PCDHGB1: variants seen among roughly 807,000 people sequenced by gnomAD.
PCDHGB1 encodes the protein protocadherin gamma-B1.
Under a neutral mutation model 56.6 loss-of-function variants are expected in PCDHGB1, and 34 were observed. The ratio of observed to expected loss-of-function variants is 0.60; its 90% confidence interval spans 0.46 to 0.80. The LOEUF (loss-of-function observed/expected upper bound fraction) is 0.80. Ranked by LOEUF, PCDHGB1 falls within the 30% of genes least tolerant of loss-of-function variation. The pLI is 0.00. For missense variants in PCDHGB1, 1,278 were observed against 1,204.6 expected, an observed-to-expected ratio of 1.06 and a Z score of -0.90; for synonymous variants, 561 against 505.9, an observed-to-expected ratio of 1.11 and a Z score of -1.46.
chr5:141,450,776 C>G (rs757791026), intron 1 of PCDHGB1, among the ~76,000 whole-genome samples: 1 of 151,440 alleles, frequency 6.6e-6, no homozygotes, highest in Non-Finnish European at 1.5e-5. Flanking sequence ...CATGAGCCAC[C>G]GTGCCCGGAC....
chr5:141,417,805 G>T, intron 1 of PCDHGB1: 1 of 1,499,292 alleles, frequency 6.7e-7, no homozygotes. Flanking sequence ...TAGCGCGGTA[G>T]AGTGCACTTT....
intron 1 of PCDHGB1, chr5:141,441,578 C>T (rs889509502): frequency 2.9e-5 from 6 of 207,738 alleles, no homozygotes; most frequent in Non-Finnish European, 5.9e-5. Flanking sequence ...CCAACCTAGA[C>T]TTGGGACCCA....
chr5:141,364,415 G>A (rs368621667), intron 1 of PCDHGB1: 1 of 1,613,082 alleles, frequency 6.2e-7, no homozygotes, highest in East Asian at 2.2e-5. Context: ...GCCAGGATCC[G>A]GGCAGATCCG....
At chr5:141,508,830 C>G (rs1320903059) in intron 3 of PCDHGB1, among the ~76,000 whole-genome samples, 2 of 152,150 alleles carry the variant, frequency 1.3e-5, no homozygotes, top group Non-Finnish European at 2.9e-5. Flanking sequence ...CTGGGCCCCC[C>G]TCCCCTACCC....
intron 1 of PCDHGB1, among the ~76,000 whole-genome samples, chr5:141,426,030 G>A (rs966664613): frequency 1.3e-5 from 2 of 152,168 alleles, no homozygotes; most frequent in Admixed American, 6.5e-5. Context: ...AATAGACTCA[G>A]AGCCCTGCTG....
At position 141,486,720 on chromosome 5, in the gene PCDHGB1, C is replaced by G; in HGVS notation, c.2410-8087C>G. ...ATCTCTCTGAACCCCCAGACAGGAG[C>G]TGTTCATGCTACTCGATCCTTTGAC... On this transcript the variant is annotated intron_variant, in intron 1 of 3. Coordinates refer to ENST00000523390, the MANE Select transcript of PCDHGB1 (RefSeq NM_018922.3). This position sits in a 1 kb window ranked among gnomAD's most constrained non-coding sequence, Gnocchi z 5.0. The G allele has an allele frequency of 6.2e-7, 1 of 1,614,216 alleles. No homozygotes were observed. Among genetic ancestry groups the G allele is most frequent in the Non-Finnish European group, 8.5e-7 (1 of 1,180,038 alleles).
At chr5:141,375,596 G>C (rs574950493) in intron 1 of PCDHGB1, 86 of 1,614,108 alleles carry the variant, frequency 5.3e-5, no homozygotes, top group Non-Finnish European at 6.9e-5. Context: ...GTCCTCCTAC[G>C]TGTCCATCAA....
intron 1 of PCDHGB1, chr5:141,395,094 G>A (rs192995605): frequency 6.2e-7 from 1 of 1,614,160 alleles, no homozygotes; most frequent in African/African-American, 1.3e-5. Flanking sequence ...CTCCCTCACC[G>A]CCGACTCGCG....
intron 1 of PCDHGB1, among the ~76,000 whole-genome samples, chr5:141,437,310 C>T (rs1226274834): frequency 6.6e-6 from 1 of 152,166 alleles, no homozygotes; most frequent in Non-Finnish European, 1.5e-5. Flanking sequence ...TTAAAGCGTT[C>T]AGCTATAATT....
At position 141,491,039 on chromosome 5, in the gene PCDHGB1, G is replaced by T; in HGVS notation, c.2410-3768G>T. 1 of 1,614,180 alleles carries T rather than the reference G, an allele frequency of 6.2e-7. No individual in the cohort carries two copies. The highest frequency in any genetic ancestry group is 1.1e-5 in the South Asian group (1 of 91,090). ...GTGACAGCCGTGGATGCTGATGCAGGCCACAATGCGTGGCTCTCCTACTCA... is the reference window on the plus strand; with the variant it reads ...GTGACAGCCGTGGATGCTGATGCAGTCCACAATGCGTGGCTCTCCTACTCA... On this transcript the variant is annotated intron_variant, in intron 1 of 3. Transcript: ENST00000523390. The surrounding 1 kb of genome is among the most constrained non-coding windows in gnomAD (Gnocchi z 6.9).
At chr5:141,478,269 A>G in intron 1 of PCDHGB1, 1 of 1,614,146 alleles carries the variant, frequency 6.2e-7, no homozygotes, top group Non-Finnish European at 8.5e-7. Flanking sequence ...TTCAAAGTTT[A>G]CAAGTGGAAG....
At chr5:141,441,730 A>ATGGT in intron 1 of PCDHGB1, 1 of 362,748 alleles carries the variant, frequency 2.8e-6, no homozygotes, top group South Asian at 2.2e-5. Flanking sequence ...CGCGACCAGG[A>ATGGT]CTAGCTCGCG....
At chr5:141,504,476 A>G (rs998883721) in intron 2 of PCDHGB1, among the ~76,000 whole-genome samples, 4 of 152,016 alleles carry the variant, frequency 2.6e-5, no homozygotes, top group African/African-American at 9.7e-5. Context: ...GGATGGGAGT[A>G]CAGTGGAGGC....
At chr5:141,419,457 A>AGGCCCGCGACCAGGGCT in intron 1 of PCDHGB1, 2 of 1,612,728 alleles carry the variant, frequency 1.2e-6, no homozygotes, top group Non-Finnish European at 1.7e-6. Context: ...CTCACGCTGC[A>AGGCCCGCGACCAGGGCT]GGCCCGCGAC....
chr5:141,509,819 C>T (rs1008625658), intron 3 of PCDHGB1, among the ~76,000 whole-genome samples: 3 of 152,154 alleles, frequency 2.0e-5, no homozygotes, highest in African/African-American at 7.2e-5. Context: ...AGCTCTTCTC[C>T]ATCTTCTCTC....
chr5:141,361,081 A>AC (rs1470194517), intron 1 of PCDHGB1: 1 of 1,613,830 alleles, frequency 6.2e-7, no homozygotes, highest in Non-Finnish European at 8.5e-7. Context: ...AAGTAGTTAC[A>AC]CTCTGAGTAT....
At chr5:141,397,591 A>G (rs1202251855) in intron 1 of PCDHGB1, among the ~76,000 whole-genome samples, 1 of 152,204 alleles carries the variant, frequency 6.6e-6, no homozygotes, top group Non-Finnish European at 1.5e-5. Flanking sequence ...ATTAATTATT[A>G]TATTGCCAGT....
chr5:141,395,542 TTGTGTGTG>T (rs55729045), intron 1 of PCDHGB1: 8,424 of 171,616 alleles, frequency 0.049, 167 homozygotes, highest in African/African-American at 0.088. Context: ...TTGCTATTGT[TTGTGTGTG>T]TGTGTGTGTG....
rs1303712746 is a variant in PCDHGB1 at position 141,512,800 on chromosome 5, C to G, written c.*1627C>G. The G allele has an allele frequency of 1.3e-5, 2 of 152,238 alleles. No homozygotes were observed. Among genetic ancestry groups the G allele is most frequent in the African/African-American group, 4.8e-5 (2 of 41,434 alleles). The allele number at this position is 152,238 out of a possible 1,614,324, so 9.4% of individuals were successfully genotyped here. A position where few individuals can be genotyped will look rare whatever the true frequency, so the allele number is the denominator to read the frequency against. On this transcript the variant is annotated 3_prime_UTR_variant, in exon 4 of 4. Coordinates refer to ENST00000523390, the MANE Select transcript of PCDHGB1 (RefSeq NM_018922.3). Reference sequence around the variant, plus strand: ...GCCCGTGTTGTGTTTTGTGCTGTGTCCACGCGCTAAGGCGACCCCCTCCCC... The same window carrying G: ...GCCCGTGTTGTGTTTTGTGCTGTGTGCACGCGCTAAGGCGACCCCCTCCCC...
Sources: gnomAD v4.1 joint callset for allele counts (sites outside exome capture counted in the v4.1 genomes callset) on GRCh38, gnomAD v4.1.1 for gene constraint, Gnocchi (gnomAD v3.1) non-coding constraint, MANE v1.5 for transcripts, NCBI Gene and HGNC (gene_info 2026-07-23, HGNC 2026-07-21) for gene names.